Variants in ARL6IP6 observed in about 807,000 individuals in gnomAD.
ARL6IP6 encodes ARF like GTPase 6 interacting protein 6.
A neutral mutation model predicts 21.5 loss-of-function variants in ARL6IP6; 22 were observed. The observed-to-expected ratio is 1.02, with a 90% CI of 0.73 to 1.46. ARL6IP6 has a LOEUF of 1.46. Among genes scored for constraint, ARL6IP6 ranks in the 40% most tolerant of loss-of-function variants. The pLI, the probability that ARL6IP6 is intolerant of heterozygous loss-of-function variation, is 0.00. For synonymous variants in ARL6IP6, 164 were observed against 125.3 expected (o/e 1.31, Z -2.06); for missense variants, 388 against 299.8 (o/e 1.29, Z -2.17).
At position 152,741,622 on chromosome 2, in the gene ARL6IP6, C is replaced by T. The variant is rs527322566; in HGVS notation, c.587+6496C>T. ...TGAGATTAGAAATAAAAGCATTTTC[C>T]TTTATTCAAATTTTTTATGTTTACT... On this transcript the variant is annotated intron_variant, in intron 3 of 3. Coordinates refer to ENST00000326446, the MANE Select transcript of ARL6IP6 (RefSeq NM_152522.7). 4.8e-3 allele frequency among the ~76,000 whole-genome samples: 727 copies of T among 152,092 alleles called. 3 individuals carry two copies. Among genetic ancestry groups the T allele is most frequent in the African/African-American group, 0.016 (676 of 41,508 alleles).
At chr2:152,729,308 G>T (rs1233574341) in intron 2 of ARL6IP6, among the ~76,000 whole-genome samples, 1 of 150,714 alleles carries the variant, frequency 6.6e-6, no homozygotes, top group Non-Finnish European at 1.5e-5. Context: ...GGTGGAGGTT[G>T]CCTGGGTGGC....
intron 3 of ARL6IP6, among the ~76,000 whole-genome samples, chr2:152,744,887 GAAAGA>G (rs891919546): frequency 5.9e-5 from 9 of 152,146 alleles, no homozygotes; most frequent in African/African-American, 1.9e-4. Flanking sequence ...TTGTAAGTGA[GAAAGA>G]AAAGGGAACA....
At position 152,719,149 on chromosome 2, in the gene ARL6IP6, G is replaced by A. The variant is rs564960104; in HGVS notation, c.400+125G>A. 3 of 1,121,220 alleles carry A rather than the reference G, an allele frequency of 2.7e-6. No individual in the cohort carries two copies. The East Asian group carries it at 8.4e-5, about 31-fold the overall frequency. The allele number at this position is 1,121,220 out of a possible 1,614,324, so 69.5% of individuals were successfully genotyped here. On this transcript the variant is annotated intron_variant, in intron 1 of 3. Transcript: ENST00000326446. The stretch of plus-strand genomic sequence containing the variant: ...AGGCTGGCAGCTGCTTTCACCCAGA[G>A]TCCTCATTTGCATCTTACTTTGCTC...
At position 152,727,749 on chromosome 2, in the gene ARL6IP6, G is replaced by A. The variant is rs189046018; in HGVS notation, c.454+7163G>A. 7.0e-3 allele frequency among the ~76,000 whole-genome samples: 1,062 copies of A among 152,162 alleles called. 5 individuals are homozygous for A. Among genetic ancestry groups the A allele is most frequent in the Non-Finnish European group, 0.011 (780 of 67,990 alleles). On this transcript the variant is annotated intron_variant, in intron 2 of 3. Coordinates refer to ENST00000326446, the MANE Select transcript of ARL6IP6 (RefSeq NM_152522.7). ...CAGGTCTGTAGCATTGGAATAATAG[G>A]ATATAACTGTATAGCTCATAGGTGT...
At chr2:152,719,574 C>T (rs1014193110) in intron 1 of ARL6IP6, among the ~76,000 whole-genome samples, 8 of 151,788 alleles carry the variant, frequency 5.3e-5, no homozygotes, top group Admixed American at 2.6e-4. Context: ...AAGTATAGTC[C>T]ACTCGTCCTC....
chr2:152,754,756 A>G (rs1024279581), intron 3 of ARL6IP6, among the ~76,000 whole-genome samples: 1 of 152,092 alleles, frequency 6.6e-6, no homozygotes, highest in African/African-American at 2.4e-5. Context: ...AATTATAACC[A>G]TCCAAGTAGT....
intron 3 of ARL6IP6, among the ~76,000 whole-genome samples, chr2:152,759,333 A>G (rs1481365188): frequency 6.6e-6 from 1 of 152,214 alleles, no homozygotes; most frequent in Non-Finnish European, 1.5e-5. Flanking sequence ...ACTTGAAATA[A>G]TATGTATTTT....
At chr2:152,733,123 A>G (rs1700398886) in intron 2 of ARL6IP6, among the ~76,000 whole-genome samples, 1 of 152,044 alleles carries the variant, frequency 6.6e-6, no homozygotes, top group Non-Finnish European at 1.5e-5. Flanking sequence ...TACGTTTTAG[A>G]ATTTAGTCTG....
intron 3 of ARL6IP6, among the ~76,000 whole-genome samples, chr2:152,754,055 T>C (rs1246012460): frequency 6.6e-6 from 1 of 151,948 alleles, no homozygotes; most frequent in East Asian, 1.9e-4. Flanking sequence ...TGTTTTTTTT[T>C]TTCATATAAT....
At chr2:152,734,604 C>T (rs919239677) in intron 2 of ARL6IP6, among the ~76,000 whole-genome samples, 3 of 152,176 alleles carry the variant, frequency 2.0e-5, no homozygotes, top group African/African-American at 7.2e-5. Flanking sequence ...CATCCTCCCA[C>T]CTCAGTCTCC....
At chr2:152,720,453 C>T (rs1384580346) in intron 1 of ARL6IP6, 80 bp from the exon 2 acceptor site, 1 of 1,400,656 alleles carries the variant, frequency 7.1e-7, no homozygotes, top group Non-Finnish European at 1.0e-6. Context: ...TCCACAGCTC[C>T]ACAATGCCTT....
upstream of ARL6IP6, chr2:152,718,332 G>A (rs1003811690): frequency 6.0e-6 from 2 of 331,616 alleles, no homozygotes; most frequent in Non-Finnish European, 1.1e-5. Context: ...ACGAAGCCCC[G>A]CAGGGAGTGG....
At chr2:152,735,547 T>C (rs1249190935) in intron 3 of ARL6IP6, among the ~76,000 whole-genome samples, 1 of 152,198 alleles carries the variant, frequency 6.6e-6, no homozygotes, top group African/African-American at 2.4e-5. Context: ...GTGTAATAAT[T>C]AGCAAACATT....
chr2:152,730,373 T>G (rs1157734848), intron 2 of ARL6IP6, among the ~76,000 whole-genome samples: 9 of 152,174 alleles, frequency 5.9e-5, no homozygotes, highest in African/African-American at 2.2e-4. Context: ...AAACACTTTA[T>G]TTTTCTTAAC....
At chr2:152,757,494 T>C (rs544255018) in intron 3 of ARL6IP6, among the ~76,000 whole-genome samples, 4 of 152,290 alleles carry the variant, frequency 2.6e-5, no homozygotes, top group African/African-American at 9.6e-5. Flanking sequence ...AATATTTTCA[T>C]TTTACTTGAG....
Position 152,719,014 on chromosome 2 carries a change from G to A in ARL6IP6, c.390G>A (p.Leu130=). The A allele has an allele frequency of 6.4e-7, 1 of 1,569,888 alleles. No individual in the cohort carries two copies. The highest frequency in any genetic ancestry group is 8.7e-7 in the Non-Finnish European group (1 of 1,156,022). ...LLAFLLAIAY[L]IVKELHAENL... ...CCTTCCTCCTCGCCATCGCCTACTT[G>A]ATCGTTAAAGGTATTGAAGCCGACG... Residue 130 remains leucine (L), a synonymous_variant, in exon 1 of 4, where the codon TTG becomes TTA. Transcript: ENST00000326446.
chr2:152,760,059 A>C lies in ARL6IP6; in HGVS notation c.*219A>C. The C allele has an allele frequency of 2.3e-6, 1 of 442,452 alleles. No homozygotes were observed. Among genetic ancestry groups the C allele is most frequent in the South Asian group, 3.5e-5 (1 of 28,608 alleles). 27.4% of individuals were successfully genotyped at this position (442,452 alleles called of 1,614,324 possible). On this transcript the variant is annotated 3_prime_UTR_variant, in exon 4 of 4. Coordinates refer to ENST00000326446, the MANE Select transcript of ARL6IP6 (RefSeq NM_152522.7). ...GATTAATTGGGAATATCTGAGTATTAAGTACTTTCTTCAGAGTATAAGATG... is the reference window on the plus strand; with the variant it reads ...GATTAATTGGGAATATCTGAGTATTCAGTACTTTCTTCAGAGTATAAGATG...
At chr2:152,747,425 CTCT>C (rs1701106655) in intron 3 of ARL6IP6, among the ~76,000 whole-genome samples, 1 of 152,132 alleles carries the variant, frequency 6.6e-6, no homozygotes, top group Admixed American at 6.5e-5. Context: ...CAGGTATTAG[CTCT>C]TCTTTGGAAT....
At position 152,745,924 on chromosome 2, in the gene ARL6IP6, T is replaced by C. The variant is rs534125537; in HGVS notation, c.587+10798T>C. 6.8e-5 allele frequency among the ~76,000 whole-genome samples: 10 copies of C among 147,072 alleles called. No individual in the cohort carries two copies. In the South Asian group the frequency reaches 2.2e-3, roughly 33 times the overall value. On this transcript the variant is annotated intron_variant, in intron 3 of 3. Transcript: ENST00000326446. ...GGAGATATGCATAGATATAACAAAA[T>C]CCTCTAGGAAATTGTATTAACTATT... is the stretch of plus-strand genomic sequence containing the variant.
Sources: gnomAD v4.1 joint callset for allele counts (sites outside exome capture counted in the v4.1 genomes callset) on GRCh38, gnomAD v4.1.1 for gene constraint, MANE v1.5 for transcripts, NCBI Gene and HGNC (gene_info 2026-07-23, HGNC 2026-07-21) for gene names.